The following GTF2I variants were observed in gnomAD, a reference collection of about 807,000 sequenced individuals.
The protein encoded by GTF2I is general transcription factor IIi, also known as general transcription factor II-I.
Under a neutral mutation model 67.6 loss-of-function variants are expected in GTF2I, and 12 were observed. The ratio of observed to expected loss-of-function variants is 0.18; its 90% CI spans 0.11 to 0.29. GTF2I has a LOEUF of 0.29. Among genes scored for constraint, GTF2I ranks in the 10% least tolerant of loss-of-function variants. The pLI, the probability that GTF2I is intolerant of heterozygous loss-of-function variation, is 1.00. For synonymous variants in GTF2I, 149 were observed against 197.0 expected (o/e 0.76, Z 2.04); for missense variants, 271 against 580.1 (o/e 0.47, Z 5.47).
chr7:74,715,781 A>G (rs1297467524), intron 10 of GTF2I, among the ~76,000 whole-genome samples: 6 of 152,064 alleles, frequency 3.9e-5, no homozygotes, highest in South Asian at 2.1e-4. Context: ...CACAATATAA[A>G]GTAAGTGGAA....
chr7:74,709,541 G>A (rs1470381941), intron 8 of GTF2I, among the ~76,000 whole-genome samples: 1 of 152,008 alleles, frequency 6.6e-6, no homozygotes, highest in Non-Finnish European at 1.5e-5. Flanking sequence ...ATAGGCATTA[G>A]CCTCTGCACC....
In GTF2I at chr7:74,749,910, A is replaced by G. The variant is rs1324247718; in HGVS notation, c.2420+459A>G. On this transcript the variant is annotated intron_variant, in intron 26 of 34. Coordinates refer to ENST00000573035, the MANE Select transcript of GTF2I (RefSeq NM_032999.4). ...TCTCAAAAACAAAAAAAAAAAAAAA[A>G]AAGAAGAAGAAATTTTCCTTATGCT... Among the ~76,000 whole-genome samples the G allele has an allele frequency of 2.5e-3, 379 of 149,626 alleles. 2 individuals are homozygous for G. Among genetic ancestry groups the G allele is most frequent in the African/African-American group, 5.7e-3 (232 of 40,590 alleles).
chr7:74,715,221 T>C (rs1176416567), intron 10 of GTF2I, among the ~76,000 whole-genome samples: 1 of 152,052 alleles, frequency 6.6e-6, no homozygotes, highest in Admixed American at 6.5e-5. Flanking sequence ...GGTTACTGTT[T>C]TATTGGTTAG....
At chr7:74,719,000 A>C in intron 12 of GTF2I, 59 bp downstream of exon 12, 1 of 819,150 alleles carries the variant, frequency 1.2e-6, no homozygotes, top group Non-Finnish European at 2.0e-6. Flanking sequence ...AATACTTGTC[A>C]CATTCACATT....
chr7:74,714,717 G>T, intron 9 of GTF2I, 140 bp from the exon 10 acceptor site: 2 of 538,500 alleles, frequency 3.7e-6, no homozygotes, highest in Middle Eastern at 4.8e-4. Context: ...CATCTTGTCA[G>T]TCTTTTTTTT....
intron 1 of GTF2I, among the ~76,000 whole-genome samples, chr7:74,671,010 G>A (rs1358728966): frequency 6.6e-6 from 1 of 151,452 alleles, no homozygotes; most frequent in Admixed American, 6.6e-5. Flanking sequence ...GTTTTTTAAG[G>A]ATGTTGTTTT....
At chr7:74,671,929 AG>A (rs1805493139) in intron 1 of GTF2I, among the ~76,000 whole-genome samples, 1 of 151,950 alleles carries the variant, frequency 6.6e-6, no homozygotes, top group Admixed American at 6.6e-5. Flanking sequence ...GGCTACAATG[AG>A]CCATGTCCCT....
intron 10 of GTF2I, 182 bp from the exon 11 acceptor site, chr7:74,716,711 AT>A (rs1554403700): frequency 2.0e-6 from 1 of 499,996 alleles, no homozygotes; most frequent in Non-Finnish European, 3.6e-6. Flanking sequence ...TAGCTTCCAA[AT>A]AGAAGCGTTG....
intron 1 of GTF2I, among the ~76,000 whole-genome samples, chr7:74,659,689 C>T (rs1804295415): frequency 6.6e-6 from 1 of 152,274 alleles, no homozygotes; most frequent in East Asian, 1.9e-4. Context: ...TGAGCCACCG[C>T]CCTGGGTCAC....
At chr7:74,735,737 C>T (rs1389512522) in intron 17 of GTF2I, among the ~76,000 whole-genome samples, 5 of 83,942 alleles carry the variant, frequency 6.0e-5, no homozygotes, top group Non-Finnish European at 1.2e-4. Context: ...GGTACGATCT[C>T]AGCTCACTGC....
chr7:74,670,413 T>TTGTC (rs2131213393), intron 1 of GTF2I, among the ~76,000 whole-genome samples: 1 of 152,200 alleles, frequency 6.6e-6, no homozygotes, highest in African/African-American at 2.4e-5. Flanking sequence ...AAAGTAAAGA[T>TTGTC]TGTCGGGTGT....
chr7:74,703,449 A>C (rs1482344891), intron 6 of GTF2I, among the ~76,000 whole-genome samples: 1 of 142,326 alleles, frequency 7.0e-6, no homozygotes, highest in East Asian at 1.9e-4. Context: ...GCATGATCTC[A>C]GCTCACTGCA....
intron 3 of GTF2I, among the ~76,000 whole-genome samples, chr7:74,694,722 C>G (rs1157437467): frequency 6.6e-6 from 1 of 152,172 alleles, no homozygotes; most frequent in Non-Finnish European, 1.5e-5. Context: ...ACTCACAAAA[C>G]CCGATTTTCA....
At chr7:74,723,428 CTTTTTTTTT>C (rs58149301) in intron 12 of GTF2I, among the ~76,000 whole-genome samples, 1 of 61,090 alleles carries the variant, frequency 1.6e-5, no homozygotes, top group African/African-American at 8.3e-5. Flanking sequence ...CTCCCGGCCT[CTTTTTTTTT>C]TTTTTTTTTT....
At chr7:74,668,054 A>T (rs1805135118) in intron 1 of GTF2I, among the ~76,000 whole-genome samples, 2 of 151,524 alleles carry the variant, frequency 1.3e-5, no homozygotes, top group Admixed American at 6.6e-5. Context: ...GGATGGTCTC[A>T]GTCTCCTGAC....
intron 10 of GTF2I, 126 bp downstream of exon 10, chr7:74,715,042 G>A (rs1792091783): frequency 7.6e-6 from 4 of 525,318 alleles, no homozygotes; most frequent in Admixed American, 6.6e-5. Flanking sequence ...GGAAAAAAAT[G>A]TATTGGCCTT....
chr7:74,730,702 TCTA>T (rs1216448369), intron 14 of GTF2I, among the ~76,000 whole-genome samples: 1 of 144,708 alleles, frequency 6.9e-6, no homozygotes, highest in Non-Finnish European at 1.5e-5. Flanking sequence ...CCCTATTGTC[TCTA>T]CTTTTATCTT....
intron 12 of GTF2I, among the ~76,000 whole-genome samples, chr7:74,719,731 C>T (rs1554404223): frequency 6.6e-6 from 1 of 152,112 alleles, no homozygotes; most frequent in Non-Finnish European, 1.5e-5. Flanking sequence ...ACCAGCCTGA[C>T]CAGCATGGTG....
At chr7:74,665,807 A>AT (rs2131193647) in intron 1 of GTF2I, among the ~76,000 whole-genome samples, 1 of 152,152 alleles carries the variant, frequency 6.6e-6, no homozygotes, top group African/African-American at 2.4e-5. Context: ...CCTCTGTGGG[A>AT]TTTTCCCCTG....
Sources: allele counts gnomAD v4.1 joint callset (sites outside exome capture counted in the v4.1 genomes callset), GRCh38; gene constraint gnomAD v4.1.1; transcripts MANE v1.5; gene names NCBI Gene and HGNC (gene_info 2026-07-23, HGNC 2026-07-21).